The following INVS variants were observed in gnomAD, a reference collection of about 807,000 sequenced individuals.
INVS encodes the protein inversin, also known as inversion of embryo turning homolog.
A neutral mutation model predicts 108.8 loss-of-function variants in INVS; 86 were observed. The observed-to-expected ratio is 0.79, with a 90% confidence interval of 0.66 to 0.95. The LOEUF is 0.95. Ranked by LOEUF, INVS falls within the 40% of genes least tolerant of loss-of-function variation. The probability of loss-of-function intolerance (pLI) is 0.00; values close to 1 mark genes in which losing one functional copy is unlikely to be tolerated. For missense variants in INVS, 1,169 were observed against 1,297.4 expected (o/e 0.90, Z 1.52); for synonymous variants, 455 against 473.5 (o/e 0.96, Z 0.51).
rs1052867 is a variant in INVS, at chr9:100,292,921, T to C, written c.2664T>C (p.Ser888=). The C allele has an allele frequency of 3.3e-5, 53 of 1,613,618 alleles. No homozygotes were observed. The African/African-American group carries it at 6.8e-4, about 21-fold the overall frequency. ...DPAPGPLSGQ[S]VNIDLLPVEL... is the part of the protein sequence containing the mutation. ...CACCTGGTCCCCTCTCTGGGCAGAG[T>C]GTGAATATTGACCTTCTCCCCGTAG... is the stretch of plus-strand genomic sequence containing the variant. The change falls in exon 14 of 17, where the codon AGT becomes AGC. Residue 888 remains serine, a synonymous_variant. Coordinates refer to ENST00000262457, the MANE Select transcript of INVS (RefSeq NM_014425.5).
At chr9:100,293,364 C>G (rs977228273) in intron 14 of INVS, among the ~76,000 whole-genome samples, 1 of 152,130 alleles carries the variant, frequency 6.6e-6, no homozygotes, top group Non-Finnish European at 1.5e-5. Flanking sequence ...AATCACATGG[C>G]CCCCCTGACC....
intron 3 of INVS, among the ~76,000 whole-genome samples, chr9:100,162,779 A>C (rs1043271483): frequency 1.3e-5 from 2 of 151,766 alleles, no homozygotes; most frequent in Non-Finnish European, 2.9e-5. Context: ...GTGAGCCGAG[A>C]TCATGCCACT....
intron 5 of INVS, among the ~76,000 whole-genome samples, chr9:100,235,642 T>A (rs1410288979): frequency 6.6e-6 from 1 of 152,206 alleles, no homozygotes; most frequent in Non-Finnish European, 1.5e-5. Flanking sequence ...TTTGGCTGGA[T>A]ATGAAATTCT....
chr9:100,263,441 T>G (rs2118622487), intron 10 of INVS, among the ~76,000 whole-genome samples: 1 of 152,316 alleles, frequency 6.6e-6, no homozygotes. Context: ...CCCACATTCC[T>G]TGGCTGATGA....
chr9:100,159,053 T>C (rs1001484308), intron 3 of INVS, among the ~76,000 whole-genome samples: 29 of 152,338 alleles, frequency 1.9e-4, no homozygotes, highest in African/African-American at 6.7e-4. Context: ...ACCATGCATT[T>C]AGTAGAGCCT....
intron 3 of INVS, among the ~76,000 whole-genome samples, chr9:100,166,573 C>T (rs1829371671): frequency 6.6e-6 from 1 of 152,154 alleles, no homozygotes; most frequent in African/African-American, 2.4e-5. Flanking sequence ...GCATTTTTAG[C>T]AGAACTGCCA....
At chr9:100,220,883 G>A (rs1170225096) in intron 3 of INVS, among the ~76,000 whole-genome samples, 7 of 151,780 alleles carry the variant, frequency 4.6e-5, no homozygotes, top group African/African-American at 1.7e-4. Context: ...AGCTAGGGCA[G>A]GAGAATTGCT....
intron 3 of INVS, among the ~76,000 whole-genome samples, chr9:100,198,264 A>AGTTT (rs1830435951): frequency 1.5e-5 from 1 of 65,216 alleles, no homozygotes; most frequent in South Asian, 6.1e-4. Context: ...GAGGGCTAGA[A>AGTTT]TTTTTTTTTT....
At chr9:100,154,331 ATTTTTTTT>A (rs780090630) in intron 3 of INVS, among the ~76,000 whole-genome samples, 30 of 68,570 alleles carry the variant, frequency 4.4e-4, no homozygotes, top group Middle Eastern at 8.3e-3. Flanking sequence ...CAACCGACTA[ATTTTTTTT>A]TTTTTTTTTT....
rs1266080415 is a variant in INVS at position 100,292,935 on chromosome 9, T to A, written c.2678T>A (p.Leu893His). 1.2e-6 allele frequency: 2 copies of A among 1,613,294 alleles called. No individual in the cohort carries two copies. Among genetic ancestry groups the A allele is most frequent in the African/African-American group, 2.7e-5 (2 of 74,900 alleles). ...TCTGGGCAGAGTGTGAATATTGACC[T>A]TCTCCCCGTAGAGCTCCGACTGCAG... ...PLSGQSVNID[L>H]LPVELRLQII... is the part of the protein sequence containing the mutation. The change falls in exon 14 of 17, where the codon CTT (leucine) becomes CAT (histidine). Residue 893 changes from leucine (L) to histidine (H), a missense_variant. Physicochemically the swap from Leu to His is moderately conservative, Grantham distance 99. Around this residue, in one of 3 missense-constraint regions of INVS, gnomAD observed 533 missense variants for 536.0 expected, o/e 0.99. Transcript: ENST00000262457.
At chr9:100,202,626 T>C (rs1017811847) in intron 3 of INVS, among the ~76,000 whole-genome samples, 1 of 152,188 alleles carries the variant, frequency 6.6e-6, no homozygotes, top group Non-Finnish European at 1.5e-5. Context: ...CGCTTTAACC[T>C]TCCATGTCAC....
intron 5 of INVS, among the ~76,000 whole-genome samples, chr9:100,230,700 G>T (rs1240116324): frequency 6.6e-6 from 1 of 152,038 alleles, no homozygotes. Flanking sequence ...CGTATTTTTA[G>T]TAGAGACCGG....
chr9:100,154,073 C>T (rs1260247060), intron 3 of INVS, among the ~76,000 whole-genome samples: 2 of 152,184 alleles, frequency 1.3e-5, no homozygotes, highest in Non-Finnish European at 2.9e-5. Flanking sequence ...CTATTCTATA[C>T]ATATGTGGTA....
At position 100,182,443 on chromosome 9, in the gene INVS, C is replaced by T. The variant is rs557015873; in HGVS notation, c.274-43619C>T. Among the ~76,000 whole-genome samples, 279 of 152,096 alleles carry T rather than the reference C, an allele frequency of 1.8e-3. 7 individuals carry two copies. Among genetic ancestry groups the T allele is most frequent in the Non-Finnish European group, 3.7e-4 (25 of 67,988 alleles). The stretch of plus-strand genomic sequence containing the variant: ...AAAAACAACCCCATCAAAAAGTGGG[C>T]GAAGTATATAAACAGACACGTCTCA... On this transcript the variant is annotated intron_variant, in intron 3 of 16. Coordinates refer to ENST00000262457, the MANE Select transcript of INVS (RefSeq NM_014425.5).
At chr9:100,223,047 T>A (rs1831201201) in intron 3 of INVS, among the ~76,000 whole-genome samples, 1 of 152,030 alleles carries the variant, frequency 6.6e-6, no homozygotes, top group South Asian at 2.1e-4. Context: ...TGTTATGATC[T>A]AATATAGCAA....
At chr9:100,269,901 C>A (rs372528887) in intron 11 of INVS, among the ~76,000 whole-genome samples, 1 of 152,200 alleles carries the variant, frequency 6.6e-6, no homozygotes, top group South Asian at 2.1e-4. Context: ...TAATAACAAT[C>A]AGAGCTGACA....
At chr9:100,202,350 T>C (rs1210357864) in intron 3 of INVS, among the ~76,000 whole-genome samples, 2 of 152,194 alleles carry the variant, frequency 1.3e-5, no homozygotes, top group African/African-American at 2.4e-5. Context: ...CTTAAAGATA[T>C]GGTCAACTTT....
chr9:100,229,511 AAC>A, intron 4 of INVS, 147 bp from the exon 5 acceptor site: 1 of 702,480 alleles, frequency 1.4e-6, no homozygotes, highest in Non-Finnish European at 2.6e-6. Flanking sequence ...ACTTCGGTTG[AAC>A]ACAGAGACCT....
At chr9:100,205,075 T>G (rs1421347614) in intron 3 of INVS, among the ~76,000 whole-genome samples, 1 of 152,170 alleles carries the variant, frequency 6.6e-6, no homozygotes, top group Non-Finnish European at 1.5e-5. Context: ...CACGTATCTT[T>G]TGTTTATCTG....
Sources: allele counts gnomAD v4.1 joint callset (sites outside exome capture counted in the v4.1 genomes callset), GRCh38; gene constraint gnomAD v4.1.1; regional missense constraint gnomAD v4.1.1; transcripts MANE v1.5; gene names NCBI Gene and HGNC (gene_info 2026-07-23, HGNC 2026-07-21).